The following PPP2R5E variants were observed in gnomAD, a reference collection of about 807,000 sequenced individuals.
The protein encoded by PPP2R5E is protein phosphatase 2 regulatory subunit B'epsilon.
A neutral mutation model predicts 65.3 loss-of-function variants in PPP2R5E; 4 were observed. That is an observed-to-expected ratio of 0.06 (90% CI 0.03 to 0.14). The LOEUF (loss-of-function observed/expected upper bound fraction) is 0.14. Ranked by LOEUF, PPP2R5E falls within the 10% of genes least tolerant of loss-of-function variation. The pLI, the probability that PPP2R5E is intolerant of heterozygous loss-of-function variation, is 1.00. For synonymous variants in PPP2R5E, 183 were observed against 187.4 expected (o/e 0.98, Z 0.19); for missense variants, 274 against 556.1 (o/e 0.49, Z 5.10).
intron 11 of PPP2R5E, among the ~76,000 whole-genome samples, chr14:63,385,384 G>A (rs1471706329): frequency 6.6e-6 from 1 of 152,124 alleles, no homozygotes; most frequent in African/African-American, 2.4e-5. Context: ...CTCAGGGAAG[G>A]AAAAGAAGTT....
intron 3 of PPP2R5E, among the ~76,000 whole-genome samples, chr14:63,423,155 C>T (rs889202827): frequency 7.2e-5 from 11 of 152,210 alleles, no homozygotes; most frequent in Admixed American, 1.3e-4. Context: ...AGTGCAGTGA[C>T]GCAATCTTGG....
At chr14:63,449,066 G>A (rs1455680225) in intron 3 of PPP2R5E, among the ~76,000 whole-genome samples, 3 of 152,142 alleles carry the variant, frequency 2.0e-5, no homozygotes, top group African/African-American at 7.2e-5. Flanking sequence ...TGCTGATACT[G>A]TAACATGCCA....
rs528081976 is a variant in PPP2R5E, at chr14:63,379,826, C to CTCTT, written c.1304+2229_1304+2230insAAGA. ...TAAGTTGTTCTTCAATATTCTCTCT[C>CTCTT]TTTTTTTTTTTTTTTTTTTTTTTTT... is the stretch of plus-strand genomic sequence containing the variant. On this transcript the variant is annotated intron_variant, in intron 13 of 13. Coordinates refer to ENST00000337537, the MANE Select transcript of PPP2R5E (RefSeq NM_006246.5). Among the ~76,000 whole-genome samples the CTCTT allele has an allele frequency of 8.5e-3, 857 of 100,338 alleles. 121 individuals are homozygous for CTCTT. Among genetic ancestry groups the CTCTT allele is most frequent in the African/African-American group, 0.043 (819 of 19,218 alleles). The allele number at this position is 100,338 out of a possible 152,430, so 65.8% of individuals were successfully genotyped here.
Position 63,382,180 on chromosome 14 carries a change from A to G in PPP2R5E, c.1203-23T>C, listed in dbSNP as rs1033274641. Reference sequence around the variant, plus strand: ...GCCCTGGAAAGCACAGAAAAAAAGGAGTGTGTTAGTTAGTCTTATAAAATG... The same window carrying G: ...GCCCTGGAAAGCACAGAAAAAAAGGGGTGTGTTAGTTAGTCTTATAAAATG... On this transcript the variant is annotated intron_variant, in intron 12 of 13. Transcript: ENST00000337537. The G allele has an allele frequency of 3.2e-6, 5 of 1,580,556 alleles. No individual in the cohort carries two copies. The African/African-American group carries it at 6.7e-5, about 21-fold the overall frequency.
chr14:63,443,675 G>C (rs140512663), intron 3 of PPP2R5E, among the ~76,000 whole-genome samples: 20 of 151,894 alleles, frequency 1.3e-4, no homozygotes, highest in African/African-American at 4.1e-4. Flanking sequence ...TCCACATCTA[G>C]GTCTCCCATA....
At chr14:63,435,050 T>C (rs919274788) in intron 3 of PPP2R5E, among the ~76,000 whole-genome samples, 1 of 152,112 alleles carries the variant, frequency 6.6e-6, no homozygotes, top group Non-Finnish European at 1.5e-5. Flanking sequence ...TGATAATGTA[T>C]ATATAGTAAG....
At chr14:63,390,793 C>G (rs1884975350) in intron 10 of PPP2R5E, among the ~76,000 whole-genome samples, 1 of 152,150 alleles carries the variant, frequency 6.6e-6, no homozygotes, top group Non-Finnish European at 1.5e-5. Context: ...AACAGCTGAT[C>G]TTTTTTTCTG....
chr14:63,456,922 T>C (rs1367000565), intron 2 of PPP2R5E, among the ~76,000 whole-genome samples: 5 of 152,226 alleles, frequency 3.3e-5, no homozygotes, highest in Non-Finnish European at 7.3e-5. Context: ...CTGCGATTTG[T>C]CCTTTATCAT....
chr14:63,487,602 A>T (rs1175366917), intron 2 of PPP2R5E, among the ~76,000 whole-genome samples: 1 of 152,242 alleles, frequency 6.6e-6, no homozygotes, highest in Non-Finnish European at 1.5e-5. Context: ...CCTGAGAGGT[A>T]TATCTATGTT....
chr14:63,476,391 T>C (rs1890413158), intron 2 of PPP2R5E, among the ~76,000 whole-genome samples: 1 of 152,142 alleles, frequency 6.6e-6, no homozygotes, highest in African/African-American at 2.4e-5. Context: ...AAAACCCAAA[T>C]TCACCAAAGA....
At chr14:63,522,695 G>A (rs1208162208) in intron 2 of PPP2R5E, among the ~76,000 whole-genome samples, 1 of 150,180 alleles carries the variant, frequency 6.7e-6, no homozygotes, top group Non-Finnish European at 1.5e-5. Flanking sequence ...GGGAGGAGAG[G>A]AGCGTCTCTG....
At chr14:63,381,974 A>G (rs1038294501) in intron 13 of PPP2R5E, 82 bp downstream of exon 13, 1 of 1,087,370 alleles carries the variant, frequency 9.2e-7, no homozygotes, top group South Asian at 1.6e-5. Context: ...GATTTGGGGT[A>G]CAATTAGGCA....
chr14:63,441,480 C>G (rs747643916), intron 3 of PPP2R5E, among the ~76,000 whole-genome samples: 5 of 152,202 alleles, frequency 3.3e-5, no homozygotes, highest in Non-Finnish European at 7.3e-5. Flanking sequence ...CGTTCCTTTC[C>G]AATCTTGTAC....
At position 63,374,666 on chromosome 14, in the gene PPP2R5E, T is replaced by TATATATATATATATATATATAA. The variant is rs1883888028; in HGVS notation, c.*1342_*1343insTTATATATATATATATATATAT. The TATATATATATATATATATATAA allele has an allele frequency of 8.0e-6, 1 of 124,306 alleles. No individual in the cohort carries two copies. Among genetic ancestry groups the TATATATATATATATATATATAA allele is most frequent in the Admixed American group, 7.8e-5 (1 of 12,770 alleles). The allele number at this position is 124,306 out of a possible 1,614,324, so 7.7% of individuals were successfully genotyped here. ...ATATATATATATATATATATATATA[T>TATATATATATATATATATATAA]ATAAAATACAGCCCTAGATTTTGTT... On this transcript the variant is annotated 3_prime_UTR_variant, in exon 14 of 14. Coordinates refer to ENST00000337537, the MANE Select transcript of PPP2R5E (RefSeq NM_006246.5).
In PPP2R5E at chr14:63,489,411, G is replaced by T. The variant is rs77957382; in HGVS notation, c.158-35526C>A. Among the ~76,000 whole-genome samples, 100 of 103,616 alleles carry T rather than the reference G, an allele frequency of 9.7e-4. 1 individual carries two copies. Among genetic ancestry groups the T allele is most frequent in the South Asian group, 9.0e-3 (31 of 3,428 alleles). 68.0% of individuals were successfully genotyped at this position (103,616 alleles called of 152,430 possible). On this transcript the variant is annotated intron_variant, in intron 2 of 13. Transcript: ENST00000337537. The stretch of plus-strand genomic sequence containing the variant: ...CATAATTTTTGTTGTTGTTGTTGTT[G>T]TTTTCTTTTTTTTTTTTTGAGACAG...
intron 3 of PPP2R5E, among the ~76,000 whole-genome samples, chr14:63,428,653 C>CA (rs1171050277): frequency 2.6e-5 from 4 of 151,920 alleles, no homozygotes; most frequent in Non-Finnish European, 5.9e-5. Context: ...GCAACAAAAA[C>CA]AAAAAAAGTC....
intron 2 of PPP2R5E, among the ~76,000 whole-genome samples, chr14:63,538,139 T>C (rs1442867771): frequency 1.3e-5 from 2 of 152,102 alleles, no homozygotes; most frequent in African/African-American, 4.8e-5. Context: ...AAAAATTAGC[T>C]GGGCGTGATG....
Position 63,384,485 on chromosome 14 carries a change from C to G in PPP2R5E, c.1161G>C (p.Met387Ile). 1 of 1,613,884 alleles carries G rather than the reference C, an allele frequency of 6.2e-7. No individual in the cohort carries two copies. The highest frequency in any genetic ancestry group is 1.1e-5 in the South Asian group (1 of 91,078). Residue 387 changes from methionine to isoleucine, a missense_variant, in exon 12 of 14, where the codon ATG (methionine) becomes ATC (isoleucine). Coordinates refer to ENST00000337537, the MANE Select transcript of PPP2R5E (RefSeq NM_006246.5). ...TTGAAATCCTATAAAGGCTGGAAAA[C>G]ATGATGGGAAGGATGACGTTAGAGT... ...EENSNVILPIMFSSLYRISKE... is the reference protein window; with the variant it reads ...EENSNVILPIIFSSLYRISKE...
At chr14:63,471,387 T>G (rs73274670) in intron 2 of PPP2R5E, among the ~76,000 whole-genome samples, 4,451 of 152,182 alleles carry the variant, frequency 0.029, 193 homozygotes, top group African/African-American at 0.097. Context: ...TAACCCAAAA[T>G]AAACAAGAGT....
Sources: allele counts gnomAD v4.1 joint callset (sites outside exome capture counted in the v4.1 genomes callset), GRCh38; gene constraint gnomAD v4.1.1; transcripts MANE v1.5; gene names NCBI Gene and HGNC (gene_info 2026-07-23, HGNC 2026-07-21).